The following DCHS1 variants were observed in gnomAD, a reference collection of about 807,000 sequenced individuals.
DCHS1 encodes the protein protocadherin-16.
DCHS1 carries 78 observed loss-of-function variants against 213.9 expected under a neutral mutation model. That is an observed-to-expected ratio of 0.36 (90% confidence interval 0.30 to 0.44). DCHS1 has a LOEUF of 0.44. Ranked by LOEUF, DCHS1 falls within the 20% of genes least tolerant of loss-of-function variation. DCHS1 has a pLI of 1.00. For synonymous variants in DCHS1, 1,828 were observed against 1,873.7 expected (o/e 0.98, Z 0.63); for missense variants, 3,946 against 4,395.9 (o/e 0.90, Z 2.89).
At position 6,632,621 on chromosome 11, in the gene DCHS1, T is replaced by C. The variant is rs996498170; in HGVS notation, c.2891A>G (p.His964Arg). Residue 964 changes from histidine (H) to arginine (R), a missense_variant, in exon 6 of 21, where the codon CAT (histidine) becomes CGT (arginine). Physicochemically the swap from His to Arg is conservative, Grantham distance 29. This residue lies in a region of DCHS1 where 3,384 missense variants were observed against 3,780.1 expected (regional missense o/e 0.90). Transcript: ENST00000299441. The surrounding 1 kb of genome is among the most constrained non-coding windows in gnomAD (Gnocchi z 5.9). The stretch of plus-strand genomic sequence containing the variant: ...ATCCCGGGCCTCCAGCTCCAGCTCA[T>C]GGGCTGGCCCTCCTGAGGGCCCCAG... ...RPLGPSGGPA[H>R]ELELEARDGG... 2.6e-6 allele frequency: 4 copies of C among 1,541,850 alleles called. No homozygotes were observed. The highest frequency in any genetic ancestry group is 3.5e-6 in the Non-Finnish European group (4 of 1,139,612).
chr11:6,624,274 C>A lies in DCHS1; in HGVS notation c.7402G>T (p.Val2468Leu), dbSNP rs1855755723. The change falls in exon 21 of 21, where the codon GTG becomes TTG. Residue 2468 changes from valine (V) to leucine (L), a missense_variant. This residue lies in a region of DCHS1 where 3,384 missense variants were observed against 3,780.1 expected (regional missense o/e 0.90). Coordinates refer to ENST00000299441, the MANE Select transcript of DCHS1 (RefSeq NM_003737.4). ...GAPGRAARAT[V>L]HVQLQDQNDH... ...TTCTGGTCCTGCAGCTGCACGTGCACTGTGGCTCGTGCTGCCCGGCCTGGA... is the reference window on the plus strand; with the variant it reads ...TTCTGGTCCTGCAGCTGCACGTGCAATGTGGCTCGTGCTGCCCGGCCTGGA... 6.2e-7 allele frequency: 1 copy of A among 1,607,596 alleles called. No homozygotes were observed. The highest frequency in any genetic ancestry group is 1.3e-5 in the African/African-American group (1 of 74,898).
rs187538545 is a variant in DCHS1 at position 6,626,831 on chromosome 11, G to A, written c.6208C>T (p.Arg2070Trp). 1.5e-5 allele frequency: 25 copies of A among 1,613,054 alleles called. No individual in the cohort carries two copies. The highest frequency in any genetic ancestry group is 1.2e-4 in the African/African-American group (9 of 75,048). The stretch of plus-strand genomic sequence containing the variant: ...CGAATCGTAGCCTCACTGCTAGCCC[G>A]GGGAAAGCGGGGTCCACGCTCAGCT... ...GEAERGPRFP[R>W]ASSEATIREN... Residue 2070 changes from arginine to tryptophan, a missense_variant, in exon 14 of 21, where the codon CGG becomes TGG. Arg to Trp is a moderately radical substitution (Grantham distance 101). This residue lies in a region of DCHS1 where 3,384 missense variants were observed against 3,780.1 expected (regional missense o/e 0.90). Transcript: ENST00000299441. The surrounding 1 kb of genome is among the most constrained non-coding windows in gnomAD (Gnocchi z 5.2).
rs775982308 is a variant in DCHS1 at position 6,632,118 on chromosome 11, G to T, written c.3394C>A (p.Arg1132=). ...AGACGTCCATTGGGTCCTGAGTCTC[G>T]GTCAGTGGCAAAGACTCGGCCCACG... ...TSVGRVFATD[R]DSGPNGRLTY... The change falls in exon 6 of 21, where the codon CGA becomes AGA. Residue 1132 remains arginine (R), a synonymous_variant. Coordinates refer to ENST00000299441, the MANE Select transcript of DCHS1 (RefSeq NM_003737.4). The surrounding 1 kb of genome is among the most constrained non-coding windows in gnomAD (Gnocchi z 5.9). The T allele has an allele frequency of 4.5e-6, 7 of 1,569,682 alleles. No homozygotes were observed. The highest frequency in any genetic ancestry group is 4.5e-5 in the East Asian group (2 of 44,342).
Position 6,626,684 on chromosome 11 carries a change from T to G in DCHS1, c.6251-19A>C, listed in dbSNP as rs1028702555. ...GGAGTCCCTGCAGAAAGAACGGTAT[T>G]GTTGGACTGTGAGCGCGAGACTGGG... On this transcript the variant is annotated intron_variant, in intron 14 of 20. Transcript: ENST00000299441. This position sits in a 1 kb window ranked among gnomAD's most constrained non-coding sequence, Gnocchi z 5.2. 1 of 1,613,126 alleles carries G rather than the reference T, an allele frequency of 6.2e-7. No homozygotes were observed. The highest frequency in any genetic ancestry group is 8.5e-7 in the Non-Finnish European group (1 of 1,179,384).
At chr11:6,631,446 TTCTTCAGACAACTCA>T (rs1855906475) in intron 7 of DCHS1, 39 bp from the exon 8 acceptor site, 2 of 1,612,466 alleles carry the variant, frequency 1.2e-6, no homozygotes, top group Non-Finnish European at 8.5e-7. Context: ...CTCTTTCCTG[TTCTTCAGACAACTCA>T]GGATAAAGCT....
chr11:6,635,426 G>A (rs1285920838), intron 2 of DCHS1, among the ~76,000 whole-genome samples: 1 of 152,206 alleles, frequency 6.6e-6, no homozygotes, highest in Non-Finnish European at 1.5e-5. Context: ...ACTGTAGCCT[G>A]TGACAAAGCG....
intron 4 of DCHS1, 36 bp downstream of exon 4, chr11:6,633,753 C>T (rs1855947812): frequency 2.5e-6 from 4 of 1,604,564 alleles, no homozygotes; most frequent in Middle Eastern, 1.7e-4. Flanking sequence ...GGGAGGGGGA[C>T]CTGGGGGAAG....
chr11:6,626,834 G>T lies in DCHS1; in HGVS notation c.6205C>A (p.Pro2069Thr), dbSNP rs375129552. ...ATCGTAGCCTCACTGCTAGCCCGGGGAAAGCGGGGTCCACGCTCAGCTTCC... is the reference window on the plus strand; with the variant it reads ...ATCGTAGCCTCACTGCTAGCCCGGGTAAAGCGGGGTCCACGCTCAGCTTCC... Reference protein sequence around the residue: ...QGEAERGPRFPRASSEATIRE... With the variant: ...QGEAERGPRFTRASSEATIRE... Residue 2069 changes from proline to threonine, a missense_variant, in exon 14 of 21, where the codon CCC becomes ACC. Coordinates refer to ENST00000299441, the MANE Select transcript of DCHS1 (RefSeq NM_003737.4). The surrounding 1 kb of genome is among the most constrained non-coding windows in gnomAD (Gnocchi z 5.2). The T allele has an allele frequency of 1.7e-4, 272 of 1,613,216 alleles. 1 individual carries two copies. Among genetic ancestry groups the T allele is most frequent in the Non-Finnish European group, 2.2e-4 (263 of 1,179,874 alleles).
Position 6,632,339 on chromosome 11 carries a change from G to A in DCHS1, c.3173C>T (p.Ala1058Val), listed in dbSNP as rs140255625. The change falls in exon 6 of 21, where the codon GCA becomes GTA. Residue 1058 changes from alanine to valine, a missense_variant. Physicochemically the swap from Ala to Val is moderately conservative, Grantham distance 64. Around this residue, in one of 3 missense-constraint regions of DCHS1, gnomAD observed 3,384 missense variants for 3,780.1 expected, o/e 0.90. Transcript: ENST00000299441. This position sits in a 1 kb window ranked among gnomAD's most constrained non-coding sequence, Gnocchi z 5.9. ...EPQSGWLWVR[A>V]ALDREAQELY... ...TTCCTGGGCCTCACGGTCTAGTGCT[G>A]CCCGCACCCATAGCCACCCACTCTG... The A allele has an allele frequency of 1.9e-5, 30 of 1,613,792 alleles. No individual in the cohort carries two copies. Among genetic ancestry groups the A allele is most frequent in the Non-Finnish European group, 2.3e-5 (27 of 1,179,850 alleles).
chr11:6,654,614 G>A (rs556934312), intron 1 of DCHS1, among the ~76,000 whole-genome samples: 3 of 152,202 alleles, frequency 2.0e-5, no homozygotes, highest in African/African-American at 7.2e-5. Context: ...GTAGGTGTGT[G>A]TTGGTTCTGA....
chr11:6,640,708 A>G lies in DCHS1; in HGVS notation c.906T>C (p.Asp302=), dbSNP rs1164559905. The part of the protein sequence containing the change: ...YEINRRQSEG[D]GPFSIDAHTG... The stretch of plus-strand genomic sequence containing the variant: ...TGTGTGCGTCGATGGAGAAGGGTCC[A>G]TCACCCTCGCTCTGCCTCCGGTTGA... The change falls in exon 2 of 21, where the codon GAT becomes GAC. Residue 302 remains aspartate (D), a synonymous_variant. Coordinates refer to ENST00000299441, the MANE Select transcript of DCHS1 (RefSeq NM_003737.4). The surrounding 1 kb of genome is among the most constrained non-coding windows in gnomAD (Gnocchi z 6.5). The G allele has an allele frequency of 1.2e-6, 2 of 1,613,652 alleles. No homozygotes were observed. The highest frequency in any genetic ancestry group is 1.7e-5 in the Admixed American group (1 of 59,990).
Position 6,621,726 on chromosome 11 carries a change from C to T in DCHS1, c.*53G>A. ...GCCCAGGGCAGGCTCAGAGTGGGGC[C>T]TGCGTTGGGGACACTGTGCGCATCC... is the stretch of plus-strand genomic sequence containing the variant. On this transcript the variant is annotated 3_prime_UTR_variant, in exon 21 of 21. Coordinates refer to ENST00000299441, the MANE Select transcript of DCHS1 (RefSeq NM_003737.4). 6.5e-7 allele frequency: 1 copy of T among 1,538,628 alleles called. No individual in the cohort carries two copies. The highest frequency in any genetic ancestry group is 8.7e-7 in the Non-Finnish European group (1 of 1,144,140).
At chr11:6,650,910 T>C (rs1178454927) in intron 1 of DCHS1, among the ~76,000 whole-genome samples, 1 of 151,950 alleles carries the variant, frequency 6.6e-6, no homozygotes, top group African/African-American at 2.4e-5. Context: ...AAATTGTAGG[T>C]GAGGGGAGTG....
chr11:6,639,432 C>T (rs1639677704), intron 2 of DCHS1, among the ~76,000 whole-genome samples: 2 of 152,194 alleles, frequency 1.3e-5, no homozygotes, highest in South Asian at 2.1e-4. Context: ...CAACCCAGCA[C>T]TTGACAAGCA....
chr11:6,633,269 A>C, intron 5 of DCHS1, 143 bp downstream of exon 5: 1 of 1,038,908 alleles, frequency 9.6e-7, no homozygotes. Context: ...ACTGTGCCTA[A>C]GGAGGTGTTG....
chr11:6,638,935 A>C (rs1856023902), intron 2 of DCHS1, among the ~76,000 whole-genome samples: 1 of 152,016 alleles, frequency 6.6e-6, no homozygotes, highest in Admixed American at 6.6e-5. Flanking sequence ...ACACAGTGAA[A>C]CCCCGTCTCT....
At chr11:6,653,553 G>A (rs550049777) in intron 1 of DCHS1, among the ~76,000 whole-genome samples, 680 of 152,338 alleles carry the variant, frequency 4.5e-3, no homozygotes, top group Non-Finnish European at 7.5e-3. Flanking sequence ...AAACAATGGT[G>A]TGAGGGATGT....
In DCHS1 at chr11:6,624,127, C is replaced by A. The variant is rs769541938; in HGVS notation, c.7549G>T (p.Ala2517Ser). Residue 2517 changes from alanine (A) to serine (S), a missense_variant, in exon 21 of 21, where the codon GCT becomes TCT. Physicochemically the swap from Ala to Ser is moderately conservative, Grantham distance 99. Around this residue, in one of 3 missense-constraint regions of DCHS1, gnomAD observed 3,384 missense variants for 3,780.1 expected, o/e 0.90. Coordinates refer to ENST00000299441, the MANE Select transcript of DCHS1 (RefSeq NM_003737.4). ...TDADGSRSHA[A>S]VDYSIISGNW... The stretch of plus-strand genomic sequence containing the variant: ...CCACTGATGATGCTGTAGTCCACAG[C>A]GGCATGGCTGCGGCTTCCATCAGCA... 1 of 1,611,594 alleles carries A rather than the reference C, an allele frequency of 6.2e-7. No homozygotes were observed. The highest frequency in any genetic ancestry group is 2.2e-5 in the East Asian group (1 of 44,820).
rs1392449410 is a variant in DCHS1, at chr11:6,625,458, C to T, written c.6886G>A (p.Ala2296Thr). 1.9e-6 allele frequency: 3 copies of T among 1,602,040 alleles called. No homozygotes were observed. Among genetic ancestry groups the T allele is most frequent in the African/African-American group, 1.3e-5 (1 of 74,312 alleles). The change falls in exon 19 of 21, where the codon GCA becomes ACA. Residue 2296 changes from alanine to threonine, a missense_variant. Around this residue, in one of 3 missense-constraint regions of DCHS1, gnomAD observed 3,384 missense variants for 3,780.1 expected, o/e 0.90. Transcript: ENST00000299441. The surrounding 1 kb of genome is among the most constrained non-coding windows in gnomAD (Gnocchi z 5.3). Reference protein sequence around the residue: ...SEDALLGSEIAQVTGNDVDSG... With the variant: ...SEDALLGSEITQVTGNDVDSG... ...TCCACATCATTCCCTGTTACCTGTG[C>T]AATCTCTGAGCCCAATAACGCATCT...
Sources: gnomAD v4.1 joint callset for allele counts (sites outside exome capture counted in the v4.1 genomes callset) on GRCh38, gnomAD v4.1.1 for gene constraint, gnomAD v4.1.1 regional missense constraint, Gnocchi (gnomAD v3.1) non-coding constraint, MANE v1.5 for transcripts, NCBI Gene and HGNC (gene_info 2026-07-23, HGNC 2026-07-21) for gene names.